Variants in MYO10 observed in about 807,000 individuals in gnomAD.
The protein encoded by MYO10 is unconventional myosin-X.
MYO10 carries 133 observed loss-of-function variants against 257.3 expected under a neutral mutation model. The ratio of observed to expected loss-of-function variants is 0.52; its 90% confidence interval spans 0.45 to 0.60. The LOEUF (loss-of-function observed/expected upper bound fraction) is 0.60. Ranked by LOEUF, MYO10 falls within the 20% of genes least tolerant of loss-of-function variation. The probability of loss-of-function intolerance (pLI) is 0.00; values close to 1 mark genes in which losing one functional copy is unlikely to be tolerated. For missense variants in MYO10, 2,399 were observed against 2,635.7 expected, an observed-to-expected ratio of 0.91 and a Z score of 1.97; for synonymous variants, 1,104 against 1,028.6, an observed-to-expected ratio of 1.07 and a Z score of -1.40.
At chr5:16,839,291 G>T (rs112740419) in intron 2 of MYO10, among the ~76,000 whole-genome samples, 1 of 152,142 alleles carries the variant, frequency 6.6e-6, no homozygotes, top group Non-Finnish European at 1.5e-5. Context: ...TCAAGATTAG[G>T]AGGAGTCTGG....
At chr5:16,772,657 T>A (rs1429885559) in intron 9 of MYO10, among the ~76,000 whole-genome samples, 1 of 152,240 alleles carries the variant, frequency 6.6e-6, no homozygotes, top group Non-Finnish European at 1.5e-5. Context: ...TATTCTATCA[T>A]GTCTTTTAAT....
chr5:16,840,172 G>A (rs746201499), intron 2 of MYO10, among the ~76,000 whole-genome samples: 4 of 152,090 alleles, frequency 2.6e-5, no homozygotes, highest in East Asian at 1.9e-4. Flanking sequence ...CAGCACTTTC[G>A]GAGGCTTAGG....
chr5:16,866,914 T>TGGA, intron 2 of MYO10, among the ~76,000 whole-genome samples: 1 of 152,174 alleles, frequency 6.6e-6, no homozygotes, highest in Non-Finnish European at 1.5e-5. Context: ...AACCTGGAGC[T>TGGA]GCCCTCCCGG....
rs551141469 is a variant in MYO10, at chr5:16,663,814, G to C, written c.*2878C>G. ...GGAGATGATTTAAAGGGTAAGGAAAGATGTGTGCAGGTTCTATGCAAATAT... is the reference window on the plus strand; with the variant it reads ...GGAGATGATTTAAAGGGTAAGGAAACATGTGTGCAGGTTCTATGCAAATAT... On this transcript the variant is annotated 3_prime_UTR_variant, in exon 41 of 41. Coordinates refer to ENST00000513610, the MANE Select transcript of MYO10 (RefSeq NM_012334.3). 21 of 149,334 alleles carry C rather than the reference G, an allele frequency of 1.4e-4. No homozygotes were observed. Among genetic ancestry groups the C allele is most frequent in the African/African-American group, 5.2e-4 (21 of 40,482 alleles). 9.3% of individuals were successfully genotyped at this position (149,334 alleles called of 1,614,324 possible).
chr5:16,715,034 T>C (rs982660876), intron 19 of MYO10, among the ~76,000 whole-genome samples: 8 of 151,672 alleles, frequency 5.3e-5, no homozygotes, highest in African/African-American at 1.9e-4. Flanking sequence ...TTACCTGATA[T>C]GATTATTACA....
chr5:16,890,782 G>C (rs1246211838), intron 1 of MYO10, among the ~76,000 whole-genome samples: 3 of 151,756 alleles, frequency 2.0e-5, no homozygotes, highest in Non-Finnish European at 4.4e-5. Flanking sequence ...AGAGGTTGCA[G>C]GGAGCCAAGA....
intron 2 of MYO10, among the ~76,000 whole-genome samples, chr5:16,835,497 T>G (rs991746095): frequency 0.011 from 1,563 of 144,206 alleles, 20 homozygotes; most frequent in African/African-American, 0.025. Flanking sequence ...TGGCTGTTTT[T>G]TTTTTTTTTT....
intron 3 of MYO10, among the ~76,000 whole-genome samples, chr5:16,796,356 GGAAA>G (rs138164834): frequency 1.6e-3 from 86 of 53,376 alleles, no homozygotes; most frequent in African/African-American, 5.8e-3. Context: ...GAGGAAGAAA[GGAAA>G]GAAAGGGAAG....
At chr5:16,808,647 TCTC>T (rs900152702) in intron 3 of MYO10, among the ~76,000 whole-genome samples, 1 of 152,160 alleles carries the variant, frequency 6.6e-6, no homozygotes, top group Non-Finnish European at 1.5e-5. Context: ...ACTAAAATTC[TCTC>T]CTGATTGAAA....
intron 19 of MYO10, among the ~76,000 whole-genome samples, chr5:16,734,108 CAAA>C (rs111997085): frequency 7.1e-6 from 1 of 140,672 alleles, no homozygotes; most frequent in African/African-American, 2.6e-5. Context: ...AAAAGGGATG[CAAA>C]AAAAAAAAGA....
At chr5:16,778,360 G>A (rs944963418) in intron 9 of MYO10, among the ~76,000 whole-genome samples, 1 of 152,134 alleles carries the variant, frequency 6.6e-6, no homozygotes, top group South Asian at 2.1e-4. Flanking sequence ...ACCAGAAATG[G>A]CCATCACAAG....
chr5:16,751,721 T>C (rs1046503476), intron 19 of MYO10, among the ~76,000 whole-genome samples: 10 of 151,846 alleles, frequency 6.6e-5, no homozygotes, highest in Non-Finnish European at 1.3e-4. Context: ...TCCGCCCATC[T>C]TGGTCTCCCA....
At chr5:16,794,918 CA>C (rs35681033) in intron 3 of MYO10, 85 bp from the exon 4 acceptor site, 451,931 of 1,099,932 alleles carry the variant, frequency 0.41, 96,657 homozygotes, top group Non-Finnish European at 0.43. Flanking sequence ...GAGTGTGCGC[CA>C]GGGGGAAAGA....
At chr5:16,709,862 C>T (rs1050514013) in intron 21 of MYO10, among the ~76,000 whole-genome samples, 4 of 151,464 alleles carry the variant, frequency 2.6e-5, no homozygotes, top group Non-Finnish European at 4.4e-5. Flanking sequence ...ATCTCAAATC[C>T]GTCAGCAGTA....
Position 16,794,771 on chromosome 5 carries a change from C to T in MYO10, c.342G>A (p.Glu114=). The change falls in exon 4 of 41, where the codon GAG becomes GAA. Residue 114 remains glutamate, a synonymous_variant. Transcript: ENST00000513610. ...GGCTGTACTGCTCCATGGTGGCAGG[C>T]TCGTACAGCCCGGCGATGGGCTGGT... ...NPYQPIAGLY[E]PATMEQYSRR... 6.2e-7 allele frequency: 1 copy of T among 1,608,146 alleles called. No individual in the cohort carries two copies. Among genetic ancestry groups the T allele is most frequent in the Non-Finnish European group, 8.5e-7 (1 of 1,177,326 alleles).
rs757499312 is a variant in MYO10, at chr5:16,673,734, T to C, written c.5120A>G (p.His1707Arg). 8 of 1,613,834 alleles carry C rather than the reference T, an allele frequency of 5.0e-6. No individual in the cohort carries two copies. In the South Asian group the frequency reaches 7.7e-5, roughly 16 times the overall value. Reference protein sequence around the residue: ...RQEMTSTVYCHGGGSCKITIN... With the variant: ...RQEMTSTVYCRGGGSCKITIN... The stretch of plus-strand genomic sequence containing the variant: ...GGTGATCTTGCAGGAGCCGCCGCCA[T>C]GGCAATAGACCGTGGATGTCATTTC... The change falls in exon 36 of 41, where the codon CAT becomes CGT. Residue 1707 changes from histidine (H) to arginine (R), a missense_variant. By Grantham distance (29) the His-to-Arg change is conservative (BLOSUM62 0). Coordinates refer to ENST00000513610, the MANE Select transcript of MYO10 (RefSeq NM_012334.3).
chr5:16,684,472 G>A (rs555256021), intron 29 of MYO10, among the ~76,000 whole-genome samples: 11 of 152,210 alleles, frequency 7.2e-5, no homozygotes, highest in East Asian at 1.9e-4. Context: ...AATTCCTGGC[G>A]GCCTCAAGTG....
chr5:16,795,578 G>A (rs1356491223), intron 3 of MYO10, among the ~76,000 whole-genome samples: 1 of 152,218 alleles, frequency 6.6e-6, no homozygotes, highest in South Asian at 2.1e-4. Flanking sequence ...TCCAGCCTGG[G>A]CGACAGAGTG....
intron 1 of MYO10, among the ~76,000 whole-genome samples, chr5:16,903,392 A>C (rs1039828221): frequency 4.6e-5 from 7 of 152,196 alleles, no homozygotes; most frequent in African/African-American, 1.7e-4. Flanking sequence ...CTGGCGACAG[A>C]GCAAGACTCC....
Sources: allele counts gnomAD v4.1 joint callset (sites outside exome capture counted in the v4.1 genomes callset), GRCh38; gene constraint gnomAD v4.1.1; transcripts MANE v1.5; gene names NCBI Gene and HGNC (gene_info 2026-07-23, HGNC 2026-07-21).